Variants in SRRM4 observed in about 807,000 individuals in gnomAD.
SRRM4 encodes serine/arginine repetitive matrix 4, also known as serine/arginine repetitive matrix protein 4.
In SRRM4, 33 loss-of-function variants were observed where a neutral mutation model predicts 68.9. That is an observed-to-expected ratio of 0.48 (90% CI 0.36 to 0.64). The LOEUF (loss-of-function observed/expected upper bound fraction) is 0.64, where lower values mean the gene tolerates loss of function less well. Ranked by LOEUF, SRRM4 falls within the 30% of genes least tolerant of loss-of-function variation. The probability of loss-of-function intolerance (pLI) is 0.00; values close to 1 mark genes in which losing one functional copy is unlikely to be tolerated. For missense variants in SRRM4, 817 were observed against 827.1 expected (o/e 0.99, Z 0.15); for synonymous variants, 318 against 318.8 (o/e 1.00, Z 0.03).
At chr12:119,070,097 T>G (rs1482853331) in intron 1 of SRRM4, among the ~76,000 whole-genome samples, 1 of 152,078 alleles carries the variant, frequency 6.6e-6, no homozygotes, top group Non-Finnish European at 1.5e-5. Context: ...TTAAAATTTG[T>G]GCATGAAGTA....
intron 7 of SRRM4, among the ~76,000 whole-genome samples, chr12:119,129,811 A>C (rs1286152734): frequency 6.6e-6 from 1 of 152,170 alleles, no homozygotes; most frequent in Non-Finnish European, 1.5e-5. Context: ...TTGGTTAGGT[A>C]GATGGATGGA....
At position 119,070,865 on chromosome 12, in the gene SRRM4, G is replaced by A. The variant is rs558155593; in HGVS notation, c.132-31371G>A. Among the ~76,000 whole-genome samples the A allele has an allele frequency of 2.6e-5, 4 of 152,292 alleles. No individual in the cohort carries two copies. In the East Asian group the frequency reaches 7.7e-4, roughly 29 times the overall value. On this transcript the variant is annotated intron_variant, in intron 1 of 12. Transcript: ENST00000267260. Reference sequence around the variant, plus strand: ...AGCAGACTTCATGGTGAGGGTCCTAGGACTTGTCCTCACTGGCCTGATTTC... The same window carrying A: ...AGCAGACTTCATGGTGAGGGTCCTAAGACTTGTCCTCACTGGCCTGATTTC...
At chr12:119,131,741 C>A (rs1283536043) in intron 8 of SRRM4, among the ~76,000 whole-genome samples, 1 of 152,102 alleles carries the variant, frequency 6.6e-6, no homozygotes, top group East Asian at 1.9e-4. Flanking sequence ...TGGGACTATC[C>A]AATAAGATAA....
chr12:119,084,115 T>C (rs776716500), intron 1 of SRRM4, among the ~76,000 whole-genome samples: 4 of 152,204 alleles, frequency 2.6e-5, no homozygotes, highest in Non-Finnish European at 5.9e-5. Context: ...GGGAAATTCA[T>C]TTGCCTGAGA....
intron 1 of SRRM4, among the ~76,000 whole-genome samples, chr12:119,064,026 C>G (rs1419816642): frequency 1.3e-5 from 2 of 152,114 alleles, no homozygotes; most frequent in Non-Finnish European, 2.9e-5. Context: ...AAAAAATACC[C>G]CCACATCTGG....
In SRRM4 at chr12:119,014,895, A is replaced by G. The variant is rs576502704; in HGVS notation, c.131+32882A>G. The stretch of plus-strand genomic sequence containing the variant: ...CCTTCTAGCTTGGAGAAACCCTCAC[A>G]TGTGCCCAAATGCTGTTCAAGAAAT... On this transcript the variant is annotated intron_variant, in intron 1 of 12. Coordinates refer to ENST00000267260, the MANE Select transcript of SRRM4 (RefSeq NM_194286.4). Among the ~76,000 whole-genome samples, 43 of 152,300 alleles carry G rather than the reference A, an allele frequency of 2.8e-4. No homozygotes were observed. The South Asian group carries it at 8.9e-3, about 32-fold the overall frequency.
At chr12:119,053,032 C>T (rs1263414069) in intron 1 of SRRM4, among the ~76,000 whole-genome samples, 1 of 152,292 alleles carries the variant, frequency 6.6e-6, no homozygotes, top group East Asian at 1.9e-4. Context: ...AGTGATTGTA[C>T]TTTCAATTCA....
intron 1 of SRRM4, among the ~76,000 whole-genome samples, chr12:119,081,538 G>A (rs914510404): frequency 1.3e-5 from 2 of 152,182 alleles, no homozygotes; most frequent in Non-Finnish European, 2.9e-5. Context: ...GTGGTAACAG[G>A]GGCCGGACTG....
chr12:119,118,896 T>C (rs1216772510), intron 4 of SRRM4, among the ~76,000 whole-genome samples: 4 of 152,008 alleles, frequency 2.6e-5, no homozygotes, highest in Admixed American at 6.6e-5. Flanking sequence ...AGGGAGATGA[T>C]TAGGAGGGGA....
In SRRM4 at chr12:119,151,180, C is replaced by A; in HGVS notation, c.1240C>A (p.Pro414Thr). 2 of 1,614,004 alleles carry A rather than the reference C, an allele frequency of 1.2e-6. No individual in the cohort carries two copies. The highest frequency in any genetic ancestry group is 2.2e-5 in the East Asian group (1 of 44,864). ...CCGATCCCCAAATCCCAGGGCTTCC[C>A]CCAGGTACACCCAAAGCCGATCCAC... ...SSRSPNPRAS[P>T]RYTQSRSTSS... is the part of the protein sequence containing the mutation. The change falls in exon 10 of 13, where the codon CCC becomes ACC. Residue 414 changes from proline (P) to threonine (T), a missense_variant. Pro to Thr is a conservative substitution (Grantham distance 38). Transcript: ENST00000267260.
intron 2 of SRRM4, among the ~76,000 whole-genome samples, chr12:119,112,089 T>C (rs747761346): frequency 6.6e-6 from 1 of 152,064 alleles, no homozygotes; most frequent in Non-Finnish European, 1.5e-5. Flanking sequence ...GCCCATCCTG[T>C]TTACACAAGC....
rs372964538 is a variant in SRRM4 at position 118,990,354 on chromosome 12, T to C, written c.131+8341T>C. Reference sequence around the variant, plus strand: ...CCTTTGCGTCCGGAGGTTCTTACTATTTGTTTTGAACAGACACACGTAGAT... The same window carrying C: ...CCTTTGCGTCCGGAGGTTCTTACTACTTGTTTTGAACAGACACACGTAGAT... On this transcript the variant is annotated intron_variant, in intron 1 of 12. Coordinates refer to ENST00000267260, the MANE Select transcript of SRRM4 (RefSeq NM_194286.4). 3.3e-5 allele frequency among the ~76,000 whole-genome samples: 5 copies of C among 152,302 alleles called. No homozygotes were observed. The East Asian group carries it at 5.8e-4, about 18-fold the overall frequency.
intron 1 of SRRM4, among the ~76,000 whole-genome samples, chr12:119,072,730 T>C (rs1334252395): frequency 1.3e-5 from 2 of 152,178 alleles, no homozygotes; most frequent in African/African-American, 4.8e-5. Flanking sequence ...CTTCTCCAAA[T>C]AGGAACAACT....
At chr12:119,062,842 C>T (rs1450465030) in intron 1 of SRRM4, among the ~76,000 whole-genome samples, 1 of 152,154 alleles carries the variant, frequency 6.6e-6, no homozygotes, top group Admixed American at 6.5e-5. Context: ...TTATTAGTGG[C>T]CCTAGGCAAT....
chr12:119,056,227 T>C (rs1439229806), intron 1 of SRRM4, among the ~76,000 whole-genome samples: 1 of 152,240 alleles, frequency 6.6e-6, no homozygotes, highest in Non-Finnish European at 1.5e-5. Context: ...TTCTGGCATC[T>C]CCAGGACCAC....
At chr12:119,144,354 C>T (rs1307061994) in intron 8 of SRRM4, among the ~76,000 whole-genome samples, 1 of 152,146 alleles carries the variant, frequency 6.6e-6, no homozygotes, top group East Asian at 1.9e-4. Context: ...CCCTTTATGA[C>T]AAAACCAAAA....
At chr12:119,113,292 C>T (rs753123885) in intron 2 of SRRM4, among the ~76,000 whole-genome samples, 50 of 152,254 alleles carry the variant, frequency 3.3e-4, no homozygotes, top group Middle Eastern at 6.8e-3. Flanking sequence ...AGATGATTGG[C>T]CACACAAACA....
Position 119,145,454 on chromosome 12 carries a change from C to T in SRRM4, c.845C>T (p.Ser282Phe). Residue 282 changes from serine to phenylalanine, a missense_variant, in exon 9 of 13, where the codon TCC becomes TTC. Transcript: ENST00000267260. ...CCGCTCACCACCTCGCGAGGACGTTCCCAGGAGTACGACTCAGGAAATGAC... is the reference window on the plus strand; with the variant it reads ...CCGCTCACCACCTCGCGAGGACGTTTCCAGGAGTACGACTCAGGAAATGAC... Reference protein sequence around the residue: ...ASPLTTSRGRSQEYDSGNDTS... With the variant: ...ASPLTTSRGRFQEYDSGNDTS... 1 of 1,608,960 alleles carries T rather than the reference C, an allele frequency of 6.2e-7. No homozygotes were observed. The highest frequency in any genetic ancestry group is 8.5e-7 in the Non-Finnish European group (1 of 1,177,798).
intron 1 of SRRM4, 80 bp from the exon 2 acceptor site, chr12:119,102,156 G>A: frequency 7.2e-7 from 1 of 1,383,672 alleles, no homozygotes; most frequent in South Asian, 1.5e-5. Context: ...GGAAATACTA[G>A]TAATTCTATG....
Sources: allele counts gnomAD v4.1 joint callset (sites outside exome capture counted in the v4.1 genomes callset), GRCh38; gene constraint gnomAD v4.1.1; transcripts MANE v1.5; gene names NCBI Gene and HGNC (gene_info 2026-07-23, HGNC 2026-07-21).